Variants in CCDC171 observed in about 807,000 individuals in gnomAD.
CCDC171 encodes coiled-coil domain containing 171.
CCDC171 carries 177 observed loss-of-function variants against 168.2 expected under a neutral mutation model. That is an observed-to-expected ratio of 1.05 (90% CI 0.93 to 1.19). The LOEUF (loss-of-function observed/expected upper bound fraction) is 1.19, where lower values mean the gene tolerates loss of function less well. CCDC171 is among the 50% of genes most tolerant of loss of function. The probability of loss-of-function intolerance (pLI) is 0.00; values close to 1 mark genes in which losing one functional copy is unlikely to be tolerated. For missense variants in CCDC171, 1,991 were observed against 1,539.0 expected (o/e 1.29, Z -4.91); for synonymous variants, 687 against 540.8 (o/e 1.27, Z -3.75).
chr9:15,844,314 G>T (rs1007680839), intron 21 of CCDC171, among the ~76,000 whole-genome samples: 1 of 151,878 alleles, frequency 6.6e-6, no homozygotes, highest in African/African-American at 2.4e-5. Context: ...TATATGTGAT[G>T]TGTATATGTA....
intron 11 of CCDC171, among the ~76,000 whole-genome samples, chr9:15,699,428 G>T (rs545898024): frequency 6.6e-6 from 1 of 152,154 alleles, no homozygotes; most frequent in Non-Finnish European, 1.5e-5. Flanking sequence ...GACCCGAGCG[G>T]GTTGCCACTG....
chr9:15,604,943 G>A (rs1236261773), intron 6 of CCDC171, among the ~76,000 whole-genome samples: 1 of 152,104 alleles, frequency 6.6e-6, no homozygotes. Context: ...TTTGAGACAA[G>A]GTCTCACTCT....
intron 10 of CCDC171, 148 bp from the exon 11 acceptor site, chr9:15,695,087 G>A: frequency 1.7e-6 from 1 of 605,554 alleles, no homozygotes; most frequent in Admixed American, 2.8e-5. Context: ...CAAGTAAAAG[G>A]TATGATTAAG....
Position 15,721,781 on chromosome 9 carries a change from A to G in CCDC171, c.1331A>G (p.Asp444Gly). 6.4e-7 allele frequency: 1 copy of G among 1,553,222 alleles called. No homozygotes were observed. The highest frequency in any genetic ancestry group is 8.7e-7 in the Non-Finnish European group (1 of 1,149,748). ...TATTTTTCTCTAGGCATCCACAAGG[A>G]CAAAGATAAACCTCCCAGCTTCTCT... ...SGQWTSGIHKDKDKPPSFSVV... is the reference protein window; with the variant it reads ...SGQWTSGIHKGKDKPPSFSVV... The change falls in exon 12 of 26, where the codon GAC becomes GGC. Residue 444 changes from aspartate to glycine, a missense_variant. Transcript: ENST00000380701.
downstream of CCDC171, among the ~76,000 whole-genome samples, chr9:15,977,234 C>A (rs889219881): frequency 6.6e-6 from 1 of 152,170 alleles, no homozygotes; most frequent in East Asian, 1.9e-4. Context: ...GAACCTCCCC[C>A]TGCATAATCT....
the CCDC171 span, among the ~76,000 whole-genome samples, chr9:16,084,592 G>T: frequency 6.6e-6 from 1 of 152,118 alleles, no homozygotes; most frequent in Admixed American, 6.6e-5. Flanking sequence ...TTTGAACCCA[G>T]ACTACCCGCT....
intron 6 of CCDC171, among the ~76,000 whole-genome samples, chr9:16,029,720 A>G (rs1833336524): frequency 6.6e-6 from 1 of 152,162 alleles, no homozygotes; most frequent in African/African-American, 2.4e-5. Context: ...AGATTTTTGG[A>G]GCTAGAAGGA....
At chr9:15,561,890 C>A (rs1388368041) in intron 1 of CCDC171, among the ~76,000 whole-genome samples, 1 of 152,062 alleles carries the variant, frequency 6.6e-6, no homozygotes, top group Non-Finnish European at 1.5e-5. Flanking sequence ...ACCCATTTTC[C>A]TTCTTACCTG....
intron 8 of CCDC171, 117 bp downstream of exon 8, chr9:15,657,336 T>G (rs2048014902): frequency 3.3e-6 from 2 of 607,882 alleles, no homozygotes; most frequent in Admixed American, 5.5e-5. Context: ...TAACATATTG[T>G]TATGACACTC....
chr9:15,724,795 C>A lies in CCDC171; in HGVS notation c.1511C>A (p.Ala504Asp). ...KNIKELQDKL[A>D]DVNKELSHLH... The stretch of plus-strand genomic sequence containing the variant: ...TGACAGGAACTTCAGGATAAACTGG[C>A]TGATGTTAATAAAGAGTTAAGTCAT... Residue 504 changes from alanine to aspartate, a missense_variant, in exon 14 of 26, where the codon GCT becomes GAT. Ala to Asp is a moderately radical substitution (Grantham distance 126, BLOSUM62 -2). Transcript: ENST00000380701. The A allele has an allele frequency of 6.2e-7, 1 of 1,613,198 alleles. No individual in the cohort carries two copies. The highest frequency in any genetic ancestry group is 2.2e-5 in the East Asian group (1 of 44,862).
chr9:15,638,763 A>G (rs1374732718), intron 7 of CCDC171, among the ~76,000 whole-genome samples: 1 of 145,686 alleles, frequency 6.9e-6, no homozygotes, highest in Non-Finnish European at 1.5e-5. Context: ...TTCTTAGATT[A>G]AAAAAAAACA....
At chr9:15,606,864 C>T (rs1301841369) in intron 6 of CCDC171, among the ~76,000 whole-genome samples, 2 of 152,136 alleles carry the variant, frequency 1.3e-5, no homozygotes, top group South Asian at 2.1e-4. Context: ...AAAAGAAGAA[C>T]TTCCCTCAAT....
intron 11 of CCDC171, among the ~76,000 whole-genome samples, chr9:15,705,837 T>A (rs1470108022): frequency 6.6e-6 from 1 of 152,216 alleles, no homozygotes; most frequent in East Asian, 1.9e-4. Flanking sequence ...AAACAGTCAC[T>A]CAAAAAGTAT....
exon 2 of CCDC171, chr9:16,061,167 TC>T (rs1833926551): frequency 6.6e-6 from 1 of 152,228 alleles, no homozygotes; most frequent in African/African-American, 2.4e-5. Context: ...TCTGGTCATT[TC>T]CTTTGCCTCA....
intron 22 of CCDC171, among the ~76,000 whole-genome samples, chr9:15,848,254 TAC>T (rs2060984259): frequency 6.6e-6 from 1 of 152,020 alleles, no homozygotes; most frequent in South Asian, 2.1e-4. Flanking sequence ...ATACATTATT[TAC>T]AGTTTTAAAT....
chr9:15,593,333 T>C (rs1467050053), intron 5 of CCDC171, among the ~76,000 whole-genome samples: 1 of 152,154 alleles, frequency 6.6e-6, no homozygotes, highest in Non-Finnish European at 1.5e-5. Context: ...TCTCAGCAAA[T>C]TGCATTTTAT....
intron 11 of CCDC171, among the ~76,000 whole-genome samples, chr9:15,698,698 T>C (rs1027758357): frequency 1.4e-4 from 21 of 152,194 alleles, no homozygotes; most frequent in Non-Finnish European, 2.8e-4. Flanking sequence ...TGTATGTATA[T>C]ACACACACAC....
intron 25 of CCDC171, among the ~76,000 whole-genome samples, chr9:15,939,551 G>A (rs1270731581): frequency 2.0e-5 from 3 of 151,790 alleles, no homozygotes; most frequent in African/African-American, 4.8e-5. Context: ...AAAAAGTATA[G>A]GGTAGTTATT....
At chr9:15,944,552 C>T (rs906067424) in intron 25 of CCDC171, among the ~76,000 whole-genome samples, 1 of 151,914 alleles carries the variant, frequency 6.6e-6, no homozygotes, top group Non-Finnish European at 1.5e-5. Context: ...TTTATGAACT[C>T]TTATTATGCT....
Sources: gnomAD v4.1 joint callset for allele counts (sites outside exome capture counted in the v4.1 genomes callset) on GRCh38, gnomAD v4.1.1 for gene constraint, MANE v1.5 for transcripts, NCBI Gene and HGNC (gene_info 2026-07-23, HGNC 2026-07-21) for gene names.